The following MLXIPL variants were observed in gnomAD, a reference collection of about 807,000 sequenced individuals.
MLXIPL encodes carbohydrate-responsive element-binding protein.
In MLXIPL, 49 loss-of-function variants were observed where a neutral mutation model predicts 81.5. The observed-to-expected ratio is 0.60, with a 90% CI of 0.48 to 0.76. MLXIPL has a LOEUF of 0.76. Among genes scored for constraint, MLXIPL ranks in the 30% least tolerant of loss-of-function variants. The probability of loss-of-function intolerance (pLI) is 0.00; values close to 1 mark genes in which losing one functional copy is unlikely to be tolerated. For synonymous variants in MLXIPL, 466 were observed against 485.5 expected (o/e 0.96, Z 0.53); for missense variants, 1,053 against 1,167.0 (o/e 0.90, Z 1.42).
intron 2 of MLXIPL, among the ~76,000 whole-genome samples, chr7:73,608,208 G>A (rs1795454847): frequency 6.6e-6 from 1 of 151,994 alleles, no homozygotes; most frequent in Non-Finnish European, 1.5e-5. Flanking sequence ...CCTTCTCTGG[G>A]TTCCTCTGGA....
At chr7:73,622,825 G>C (rs537082525) in intron 1 of MLXIPL, among the ~76,000 whole-genome samples, 45 of 152,064 alleles carry the variant, frequency 3.0e-4, no homozygotes, top group African/African-American at 4.6e-4. Context: ...GTCACCCATC[G>C]TCAGGGTTGG....
intron 16 of MLXIPL, 26 bp from the exon 17 acceptor site, chr7:73,594,009 A>T: frequency 6.3e-7 from 1 of 1,589,386 alleles, no homozygotes; most frequent in Non-Finnish European, 8.6e-7. Context: ...AGAGAGAGAG[A>T]CAGACACTTC....
At chr7:73,617,949 A>G (rs1554601138) in intron 1 of MLXIPL, among the ~76,000 whole-genome samples, 1 of 152,146 alleles carries the variant, frequency 6.6e-6, no homozygotes, top group Non-Finnish European at 1.5e-5. Flanking sequence ...GGAGGCCAAG[A>G]CATTCAGGGT....
intron 7 of MLXIPL, among the ~76,000 whole-genome samples, chr7:73,604,921 C>T (rs568466314): frequency 7.9e-5 from 12 of 151,948 alleles, no homozygotes; most frequent in South Asian, 4.2e-4. Flanking sequence ...CCTGCCACCA[C>T]GCCCAGCTAA....
upstream of MLXIPL, among the ~76,000 whole-genome samples, chr7:73,625,864 T>C (rs1796712471): frequency 6.6e-6 from 1 of 152,190 alleles, no homozygotes; most frequent in Non-Finnish European, 1.5e-5. Flanking sequence ...GGACTGTTAC[T>C]GGTAGGGATG....
chr7:73,628,664 C>T (rs1796789791), upstream of MLXIPL, among the ~76,000 whole-genome samples: 1 of 152,212 alleles, frequency 6.6e-6, no homozygotes, highest in South Asian at 2.1e-4. Flanking sequence ...AATGGGACCA[C>T]AGGCGCCGCA....
At chr7:73,629,639 C>T in the MLXIPL span, among the ~76,000 whole-genome samples, 1 of 152,130 alleles carries the variant, frequency 6.6e-6, no homozygotes, top group Non-Finnish European at 1.5e-5. Context: ...GTGAGAGGAT[C>T]GCTTGAGCTC....
intron 16 of MLXIPL, 118 bp downstream of exon 16, chr7:73,594,156 T>C (rs782333560): frequency 1.1e-5 from 17 of 1,521,530 alleles, no homozygotes; most frequent in Non-Finnish European, 1.5e-5. Flanking sequence ...GGATGCGGGG[T>C]GGCCACAACC....
the MLXIPL span, among the ~76,000 whole-genome samples, chr7:73,644,232 G>T: frequency 1.3e-5 from 2 of 150,638 alleles, no homozygotes; most frequent in Non-Finnish European, 1.5e-5. Context: ...TTTTGAAGCT[G>T]AGTTTAGCTC....
At chr7:73,615,590 G>A (rs1445375181) in intron 2 of MLXIPL, among the ~76,000 whole-genome samples, 1 of 152,062 alleles carries the variant, frequency 6.6e-6, no homozygotes. Context: ...CTATTCAGGA[G>A]TCCTGGTGCT....
the MLXIPL span, among the ~76,000 whole-genome samples, chr7:73,646,717 C>T: frequency 1.6e-4 from 25 of 152,306 alleles, no homozygotes; most frequent in African/African-American, 5.8e-4. Flanking sequence ...AGGAGCTGAG[C>T]TTCCCTGGGG....
At chr7:73,603,681 G>T (rs1795067313) in intron 7 of MLXIPL, among the ~76,000 whole-genome samples, 1 of 152,220 alleles carries the variant, frequency 6.6e-6, no homozygotes, top group East Asian at 1.9e-4. Flanking sequence ...GACGGGCTGA[G>T]CCTGGATATC....
At chr7:73,636,962 A>G in the MLXIPL span, among the ~76,000 whole-genome samples, 1 of 151,050 alleles carries the variant, frequency 6.6e-6, no homozygotes, top group Non-Finnish European at 1.5e-5. Context: ...CGGGAGGCTG[A>G]GGCAGGAGAA....
upstream of MLXIPL, among the ~76,000 whole-genome samples, chr7:73,625,451 A>T (rs1363374770): frequency 1.3e-5 from 2 of 152,132 alleles, no homozygotes; most frequent in African/African-American, 4.8e-5. Context: ...TAACACCTCT[A>T]GTTAACATGG....
chr7:73,641,091 CA>C, the MLXIPL span, among the ~76,000 whole-genome samples: 13 of 152,002 alleles, frequency 8.6e-5, no homozygotes, highest in African/African-American at 3.1e-4. Flanking sequence ...CACTTGAGCC[CA>C]GGAGTTTGAG....
At position 73,596,821 on chromosome 7, in the gene MLXIPL, A is replaced by T; in HGVS notation, c.1672-32T>A. On this transcript the variant is annotated intron_variant, in intron 10 of 16. Transcript: ENST00000313375. This position sits in a 1 kb window ranked among gnomAD's most constrained non-coding sequence, Gnocchi z 4.7. ...TGGAGAAGGGCGGAGAGTCGGGTTG[A>T]AGGCCGTGGGCACAGCCCCACCGCC... The T allele has an allele frequency of 6.2e-7, 1 of 1,608,556 alleles. No homozygotes were observed.
chr7:73,607,753 C>T (rs1795418324), intron 2 of MLXIPL, 81 bp from the exon 3 acceptor site: 2 of 1,266,152 alleles, frequency 1.6e-6, no homozygotes, highest in African/African-American at 1.5e-5. Context: ...TCAAGTGACA[C>T]CCTGCGAAAT....
Position 73,596,672 on chromosome 7 carries a change from TG to T in MLXIPL, c.1788del (p.Ala598ArgfsTer29). ...GCTGGGGGTGAGAGCCGCTCCGCTT[TG>T]GGGACAAGCAGGGGCCTGGAAGGGG... Reference protein sequence around the residue: ...TLAPSRPLLVPKAERLSPPAP... With the variant: ...TLAPSRPLLVXKAERLSPPAP... On this transcript the variant is annotated frameshift_variant, in exon 11 of 17. Coordinates refer to ENST00000313375, the MANE Select transcript of MLXIPL (RefSeq NM_032951.3). LOFTEE classifies it high-confidence loss of function. The surrounding 1 kb of genome is among the most constrained non-coding windows in gnomAD (Gnocchi z 4.7). 6.3e-7 allele frequency: 1 copy of T among 1,589,818 alleles called. No homozygotes were observed. The highest frequency in any genetic ancestry group is 8.6e-7 in the Non-Finnish European group (1 of 1,168,052).
In MLXIPL at chr7:73,624,243, G is replaced by A. The variant is rs200554138; in HGVS notation, c.250C>T (p.Pro84Ser). The part of the protein sequence containing the change: ...PSDFGPRSID[P>S]TLTRLFECLS... ...CACTCGAAGAGGCGTGTGAGTGTGG[G>A]GTCGATACTGCGCGGCCCGAAGTCG... Residue 84 changes from proline to serine, a missense_variant, in exon 1 of 17, where the codon CCC (proline) becomes TCC (serine). Coordinates refer to ENST00000313375, the MANE Select transcript of MLXIPL (RefSeq NM_032951.3). 13 of 1,598,254 alleles carry A rather than the reference G, an allele frequency of 8.1e-6. No individual in the cohort carries two copies. The highest frequency in any genetic ancestry group is 1.0e-5 in the Non-Finnish European group (12 of 1,173,668).
Sources: gnomAD v4.1 joint callset for allele counts (sites outside exome capture counted in the v4.1 genomes callset) on GRCh38, gnomAD v4.1.1 for gene constraint, Gnocchi (gnomAD v3.1) non-coding constraint, MANE v1.5 for transcripts, NCBI Gene and HGNC (gene_info 2026-07-23, HGNC 2026-07-21) for gene names.